TWNK: variants seen among roughly 807,000 people sequenced by gnomAD.
TWNK encodes the protein T7 gp4-like protein with intramitochondrial nucleoid localization.
A neutral mutation model predicts 58.2 loss-of-function variants in TWNK; 36 were observed. That is an observed-to-expected ratio of 0.62 (90% CI 0.47 to 0.82). The LOEUF (loss-of-function observed/expected upper bound fraction) is 0.82, where lower values mean the gene tolerates loss of function less well. Ranked by LOEUF, TWNK falls within the 40% of genes least tolerant of loss-of-function variation. The pLI, the probability that TWNK is intolerant of heterozygous loss-of-function variation, is 0.00. For missense variants in TWNK, 714 were observed against 881.0 expected (o/e 0.81, Z 2.40); for synonymous variants, 349 against 348.5 (o/e 1.00, Z -0.02).
At chr10:100,990,368 A>T (rs1445272652) in intron 2 of TWNK, 68 bp from the exon 3 acceptor site, 8 of 1,105,124 alleles carry the variant, frequency 7.2e-6, no homozygotes. Context: ...AGTTTTCAGG[A>T]TGCTAGTTCT....
At position 100,990,983 on chromosome 10, in the gene TWNK, G is replaced by T. The variant is rs2133942458; in HGVS notation, c.1707G>T (p.Gln569His). 1 of 1,614,242 alleles carries T rather than the reference G, an allele frequency of 6.2e-7. No homozygotes were observed. Among genetic ancestry groups the T allele is most frequent in the Non-Finnish European group, 8.5e-7 (1 of 1,180,050 alleles). The change falls in exon 4 of 5, where the codon CAG (glutamine) becomes CAT (histidine). Residue 569 changes from glutamine (Q) to histidine (H), a missense_variant. Transcript: ENST00000311916. The stretch of plus-strand genomic sequence containing the variant: ...AAGAGGATGATGACAAGGAACTGCA[G>T]ACAGCGTCCATTTTTGGCTCAGCCA... ...PRKEDDDKEL[Q>H]TASIFGSAKA... is the part of the protein sequence containing the mutation.
intron 3 of TWNK, 118 bp downstream of exon 3, chr10:100,990,661 C>T (rs749709494): frequency 8.2e-5 from 132 of 1,604,524 alleles, no homozygotes; most frequent in Non-Finnish European, 1.1e-4. Flanking sequence ...GAGATGTGTG[C>T]AGGCACGTAC....
At chr10:100,990,592 A>G in intron 3 of TWNK, 49 bp downstream of exon 3, 1 of 1,613,132 alleles carries the variant, frequency 6.2e-7, no homozygotes, top group Non-Finnish European at 8.5e-7. Flanking sequence ...TTGGACATAC[A>G]ACACACACTT....
In TWNK at chr10:100,989,738, C is replaced by G. The variant is rs766151894; in HGVS notation, c.1338C>G (p.Ile446Met). 5.0e-6 allele frequency: 8 copies of G among 1,614,082 alleles called. No homozygotes were observed. In the Admixed American group the frequency reaches 6.7e-5, roughly 13 times the overall value. ...ACACACTGTGGGGTAGCTTCGAGATCAGCAATGTGAGACTAGCCCGGGTCA... is the reference window on the plus strand; with the variant it reads ...ACACACTGTGGGGTAGCTTCGAGATGAGCAATGTGAGACTAGCCCGGGTCA... ...GVNTLWGSFE[I>M]SNVRLARVML... Residue 446 changes from isoleucine to methionine, a missense_variant, in exon 2 of 5, where the codon ATC becomes ATG. This residue lies in a region of TWNK where 302 missense variants were observed against 438.6 expected (regional missense o/e 0.69). Coordinates refer to ENST00000311916, the MANE Select transcript of TWNK (RefSeq NM_021830.5). This position sits in a 1 kb window ranked among gnomAD's most constrained non-coding sequence, Gnocchi z 7.6.
In TWNK at chr10:100,988,549, C is replaced by T. The variant is rs1851652983; in HGVS notation, c.339C>T (p.Cys113=). 1.2e-6 allele frequency: 2 copies of T among 1,614,140 alleles called. No homozygotes were observed. Among genetic ancestry groups the T allele is most frequent in the Non-Finnish European group, 1.7e-6 (2 of 1,180,028 alleles). The change falls in exon 1 of 5, where the codon TGC becomes TGT. Residue 113 remains cysteine (C), a synonymous_variant. Transcript: ENST00000311916. The surrounding 1 kb of genome is among the most constrained non-coding windows in gnomAD (Gnocchi z 5.2). ...FIDKTTGHFL[C]MTSLAEGSWE... ...ACAAGACCACAGGCCACTTTCTCTG[C>T]ATGACCAGCCTAGCAGAAGGGAGCT...
chr10:100,988,316 C>T lies in TWNK; in HGVS notation c.106C>T (p.Pro36Ser). 2 of 1,614,250 alleles carry T rather than the reference C, an allele frequency of 1.2e-6. No individual in the cohort carries two copies. Among genetic ancestry groups the T allele is most frequent in the Non-Finnish European group, 1.7e-6 (2 of 1,180,056 alleles). ...GLPRNLAPGP[P>S]RRRYRKETLQ... ...GCCCCGAAACTTGGCCCCAGGCCCT[C>T]CTCGCAGACGTTACAGGAAGGAGAC... The change falls in exon 1 of 5, where the codon CCT becomes TCT. Residue 36 changes from proline to serine, a missense_variant. Pro to Ser is a moderately conservative substitution (Grantham distance 74). Transcript: ENST00000311916. The surrounding 1 kb of genome is among the most constrained non-coding windows in gnomAD (Gnocchi z 5.2).
Position 100,989,051 on chromosome 10 carries a change from C to T in TWNK, c.841C>T (p.Leu281Phe). The change falls in exon 1 of 5, where the codon CTT (leucine) becomes TTT (phenylalanine). Residue 281 changes from leucine (L) to phenylalanine (F), a missense_variant. Around this residue, in one of 3 missense-constraint regions of TWNK, gnomAD observed 348 missense variants for 388.4 expected, o/e 0.90. Transcript: ENST00000311916. This position sits in a 1 kb window ranked among gnomAD's most constrained non-coding sequence, Gnocchi z 7.6. Reference protein sequence around the residue: ...ALNQSTGLPTLTLPRGTTCLP... With the variant: ...ALNQSTGLPTFTLPRGTTCLP... ...GAACCAGTCCACGGGGCTGCCTACC[C>T]TTACTCTACCCCGAGGAACGACCTG... 6.2e-7 allele frequency: 1 copy of T among 1,614,160 alleles called. No individual in the cohort carries two copies. Among genetic ancestry groups the T allele is most frequent in the Non-Finnish European group, 8.5e-7 (1 of 1,180,022 alleles).
At chr10:100,990,747 TG>T in intron 3 of TWNK, 121 bp from the exon 4 acceptor site, 1 of 1,563,960 alleles carries the variant, frequency 6.4e-7, no homozygotes. Context: ...TGTGAGTCCT[TG>T]GGTAGAGGGA....
chr10:100,987,899 G>C lies in TWNK; in HGVS notation c.-312G>C. The stretch of plus-strand genomic sequence containing the variant: ...AGTAGAGGTGAGAAGATGATGCAAA[G>C]AAACTGTGTCAGTGAGGAACTGTAT... On this transcript the variant is annotated 5_prime_UTR_variant, in exon 1 of 5. Coordinates refer to ENST00000311916, the MANE Select transcript of TWNK (RefSeq NM_021830.5). 3.3e-6 allele frequency: 2 copies of C among 600,322 alleles called. No homozygotes were observed. The highest frequency in any genetic ancestry group is 5.9e-6 in the Non-Finnish European group (2 of 338,528). The allele number at this position is 600,322 out of a possible 1,614,324, so 37.2% of individuals were successfully genotyped here.
intron 4 of TWNK, 45 bp from the exon 5 acceptor site, chr10:100,993,145 T>C (rs1851829485): frequency 1.2e-6 from 2 of 1,602,176 alleles, no homozygotes; most frequent in Non-Finnish European, 1.7e-6. Flanking sequence ...GCTTTGCTCA[T>C]GTCCTCTTAC....
At position 100,988,863 on chromosome 10, in the gene TWNK, G is replaced by A; in HGVS notation, c.653G>A (p.Gly218Asp). Residue 218 changes from glycine to aspartate, a missense_variant, in exon 1 of 5, where the codon GGC becomes GAC. By Grantham distance (94) the Gly-to-Asp change is moderately conservative. This residue lies in a region of TWNK where 348 missense variants were observed against 388.4 expected (regional missense o/e 0.90). Transcript: ENST00000311916. This position sits in a 1 kb window ranked among gnomAD's most constrained non-coding sequence, Gnocchi z 5.2. ...WFSPGGSGLR[G>D]LKLLEAKCQG... ...TCCCCTGGGGGCTCAGGATTACGAG[G>A]CCTGAAGCTCCTAGAGGCTAAATGC... is the stretch of plus-strand genomic sequence containing the variant. The A allele has an allele frequency of 6.2e-7, 1 of 1,614,176 alleles. No individual in the cohort carries two copies. Among genetic ancestry groups the A allele is most frequent in the Non-Finnish European group, 8.5e-7 (1 of 1,180,030 alleles).
chr10:100,989,849 C>T lies in TWNK; in HGVS notation c.1449C>T (p.Leu483=), dbSNP rs1851720620. The change falls in exon 2 of 5, where the codon CTC becomes CTT. Residue 483 remains leucine (L), a synonymous_variant. Coordinates refer to ENST00000311916, the MANE Select transcript of TWNK (RefSeq NM_021830.5). The surrounding 1 kb of genome is among the most constrained non-coding windows in gnomAD (Gnocchi z 7.6). ...CTGACCGCTTTGAGGACCTGCCCCTCTATTTCATGACTTTCCATGGACAGC... is the reference window on the plus strand; with the variant it reads ...CTGACCGCTTTGAGGACCTGCCCCTTTATTTCATGACTTTCCATGGACAGC... ...HWADRFEDLP[L]YFMTFHGQQS... is the part of the protein sequence containing the mutation. 6.2e-7 allele frequency: 1 copy of T among 1,614,102 alleles called. No individual in the cohort carries two copies.
chr10:100,988,116 G>T lies in TWNK; in HGVS notation c.-95G>T. ...GCACCTAGAGTGAGCTCTGCAGAGTGCTGCGTGGGATATCCCTAGAGTTTG... is the reference window on the plus strand; with the variant it reads ...GCACCTAGAGTGAGCTCTGCAGAGTTCTGCGTGGGATATCCCTAGAGTTTG... On this transcript the variant is annotated 5_prime_UTR_variant, in exon 1 of 5. Coordinates refer to ENST00000311916, the MANE Select transcript of TWNK (RefSeq NM_021830.5). This position sits in a 1 kb window ranked among gnomAD's most constrained non-coding sequence, Gnocchi z 5.2. 7.4e-7 allele frequency: 1 copy of T among 1,358,228 alleles called. No individual in the cohort carries two copies. Among genetic ancestry groups the T allele is most frequent in the Non-Finnish European group, 1.1e-6 (1 of 949,718 alleles). 84.1% of individuals were successfully genotyped at this position (1,358,228 alleles called of 1,614,324 possible). A position where few individuals can be genotyped will look rare whatever the true frequency, so the allele number is the denominator to read the frequency against.
chr10:100,988,518 T>C lies in TWNK; in HGVS notation c.308T>C (p.Phe103Ser). The C allele has an allele frequency of 6.2e-7, 1 of 1,614,210 alleles. No individual in the cohort carries two copies. Among genetic ancestry groups the C allele is most frequent in the Non-Finnish European group, 8.5e-7 (1 of 1,180,036 alleles). Residue 103 changes from phenylalanine to serine, a missense_variant, in exon 1 of 5, where the codon TTC becomes TCC. By Grantham distance (155) the Phe-to-Ser change is radical. Transcript: ENST00000311916. The surrounding 1 kb of genome is among the most constrained non-coding windows in gnomAD (Gnocchi z 5.2). ...QTGVTTSFSL[F>S]IDKTTGHFLC... ...GGTGTTACCACTTCCTTCAGCCTCT[T>C]CATTGACAAGACCACAGGCCACTTT...
At chr10:100,990,589 T>G in intron 3 of TWNK, 46 bp downstream of exon 3, 1 of 1,613,266 alleles carries the variant, frequency 6.2e-7, no homozygotes, top group Non-Finnish European at 8.5e-7. Flanking sequence ...CGCTTGGACA[T>G]ACAACACACA....
Position 100,987,596 on chromosome 10 carries a change from G to A in TWNK, c.-615G>A, listed in dbSNP as rs919736408. ...GCGGGAGACTCACGTTGCCGGCGAA[G>A]TGGGAGAGAGAAAAGTGGTAACCTG... On this transcript the variant is annotated 5_prime_UTR_variant, in exon 1 of 5. The change creates a new upstream start codon in the 5' untranslated region. Coordinates refer to ENST00000311916, the MANE Select transcript of TWNK (RefSeq NM_021830.5). 6 of 1,195,696 alleles carry A rather than the reference G, an allele frequency of 5.0e-6. No individual in the cohort carries two copies. Among genetic ancestry groups the A allele is most frequent in the Non-Finnish European group, 1.1e-6 (1 of 878,050 alleles). The allele number at this position is 1,195,696 out of a possible 1,614,324, so 74.1% of individuals were successfully genotyped here. A position where few individuals can be genotyped will look rare whatever the true frequency, so the allele number is the denominator to read the frequency against.
intron 3 of TWNK, 152 bp downstream of exon 3, chr10:100,990,695 G>A (rs544601232): frequency 3.1e-6 from 5 of 1,594,038 alleles, no homozygotes; most frequent in South Asian, 2.2e-5. Context: ...ATCATATGGA[G>A]GTGTGGGGTA....
Position 100,987,570 on chromosome 10 carries a change from T to C in TWNK, c.-641T>C, listed in dbSNP as rs958447104. On this transcript the variant is annotated 5_prime_UTR_variant, in exon 1 of 5. Transcript: ENST00000311916. ...TTCCGAGGTCAAGGCGAGTAGCATG[T>C]GCGGGAGACTCACGTTGCCGGCGAA... The C allele has an allele frequency of 9.5e-6, 13 of 1,367,948 alleles. No homozygotes were observed. Among genetic ancestry groups the C allele is most frequent in the Non-Finnish European group, 1.2e-5 (12 of 1,030,002 alleles). 84.7% of individuals were successfully genotyped at this position (1,367,948 alleles called of 1,614,324 possible).
At position 100,993,535 on chromosome 10, in the gene TWNK, A is replaced by C. The variant is rs757549493; in HGVS notation, c.*25A>C. The C allele has an allele frequency of 5.0e-6, 8 of 1,612,790 alleles. No individual in the cohort carries two copies. In the East Asian group the frequency reaches 1.6e-4, roughly 31 times the overall value. On this transcript the variant is annotated 3_prime_UTR_variant, in exon 5 of 5. Transcript: ENST00000311916. ...AAGGCCGTGCAGAGCTGGTCACTGA[A>C]ATGAGCCTGATAGGATAGGCTGGAG...
Sources: allele counts gnomAD v4.1 joint callset, GRCh38; gene constraint gnomAD v4.1.1; regional missense constraint gnomAD v4.1.1; non-coding constraint Gnocchi (gnomAD v3.1); transcripts MANE v1.5; gene names NCBI Gene and HGNC (gene_info 2026-07-23, HGNC 2026-07-21).